The following TUBGCP3 variants were observed in gnomAD, a reference collection of about 807,000 sequenced individuals.
The protein encoded by TUBGCP3 is tubulin gamma complex component 3.
Under a neutral mutation model 123.1 loss-of-function variants are expected in TUBGCP3, and 50 were observed. That is an observed-to-expected ratio of 0.41 (90% confidence interval 0.32 to 0.51). The LOEUF is 0.51. TUBGCP3 is among the 20% of genes least tolerant of loss of function. The pLI, the probability that TUBGCP3 is intolerant of heterozygous loss-of-function variation, is 0.36. For missense variants in TUBGCP3, 882 were observed against 1,127.0 expected, an observed-to-expected ratio of 0.78 and a Z score of 3.11; for synonymous variants, 405 against 413.9, an observed-to-expected ratio of 0.98 and a Z score of 0.26.
chr13:112,553,462 A>G (rs148771804), intron 8 of TUBGCP3, among the ~76,000 whole-genome samples: 1 of 152,378 alleles, frequency 6.6e-6, no homozygotes, highest in East Asian at 1.9e-4. Context: ...GCCACAAAGA[A>G]GGGCTGGACA....
At chr13:112,576,913 A>C (rs1015362908) in intron 1 of TUBGCP3, among the ~76,000 whole-genome samples, 1 of 151,202 alleles carries the variant, frequency 6.6e-6, no homozygotes. Context: ...AAACAAACAA[A>C]AAAAAAAAAA....
At chr13:112,553,586 C>G (rs1411874675) in intron 8 of TUBGCP3, among the ~76,000 whole-genome samples, 2 of 152,234 alleles carry the variant, frequency 1.3e-5, no homozygotes, top group African/African-American at 2.4e-5. Context: ...CCACCCAGGG[C>G]TGTCCAGACA....
intron 8 of TUBGCP3, among the ~76,000 whole-genome samples, chr13:112,550,729 A>T (rs1879490622): frequency 6.6e-6 from 1 of 152,156 alleles, no homozygotes; most frequent in South Asian, 2.1e-4. Flanking sequence ...GCACAGCATC[A>T]CTCTTTACCA....
intron 3 of TUBGCP3, among the ~76,000 whole-genome samples, chr13:112,562,260 G>C (rs112769931): frequency 6.6e-6 from 1 of 150,796 alleles, no homozygotes; most frequent in African/African-American, 2.4e-5. Context: ...CCACCAGCCA[G>C]GACCTACTAG....
chr13:112,529,148 T>C (rs1314117380), intron 11 of TUBGCP3, among the ~76,000 whole-genome samples: 1 of 152,212 alleles, frequency 6.6e-6, no homozygotes, highest in Non-Finnish European at 1.5e-5. Flanking sequence ...CCACCATGCC[T>C]GGCCTATTAC....
At chr13:112,560,355 G>A (rs561861984) in intron 3 of TUBGCP3, among the ~76,000 whole-genome samples, 11 of 151,254 alleles carry the variant, frequency 7.3e-5, no homozygotes, top group East Asian at 2.0e-4. Flanking sequence ...GCGTGAACCC[G>A]GGAGGCGGAG....
At chr13:112,589,123 C>A (rs930540243), upstream of TUBGCP3, among the ~76,000 whole-genome samples, 3 of 152,214 alleles carry the variant, frequency 2.0e-5, no homozygotes, top group Admixed American at 2.0e-4. Flanking sequence ...GATGCGATCA[C>A]CCCTCACTGC....
In TUBGCP3 at chr13:112,519,761, C is replaced by A; in HGVS notation, c.1881+125G>T. 10 of 1,296,346 alleles carry A rather than the reference C, an allele frequency of 7.7e-6. No homozygotes were observed. Among genetic ancestry groups the A allele is most frequent in the Non-Finnish European group, 1.0e-5 (10 of 984,414 alleles). The allele number at this position is 1,296,346 out of a possible 1,614,324, so 80.3% of individuals were successfully genotyped here. On this transcript the variant is annotated intron_variant, in intron 15 of 21. Transcript: ENST00000261965. The surrounding 1 kb of genome is among the most constrained non-coding windows in gnomAD (Gnocchi z 6.2). ...CAGAGTGGAGTTCCTACTCAGGCTG[C>A]CCAGTTTCCAGAAAGATAACGGCTA...
rs1882746463 is a variant in TUBGCP3, at chr13:112,587,964, T to C, written c.17A>G (p.Gln6Arg). MATPD[Q>R]KSPNVLLQNL... ...CTGCAGCAGAACGTTCGGCGACTTCTGGTCCGGGGTCGCCATCCTCGCCCG... is the reference window on the plus strand; with the variant it reads ...CTGCAGCAGAACGTTCGGCGACTTCCGGTCCGGGGTCGCCATCCTCGCCCG... The change falls in exon 1 of 22, where the codon CAG becomes CGG. Residue 6 changes from glutamine (Q) to arginine (R), a missense_variant. By Grantham distance (43) the Gln-to-Arg change is conservative (BLOSUM62 1). Transcript: ENST00000261965. 4 of 1,589,428 alleles carry C rather than the reference T, an allele frequency of 2.5e-6. No individual in the cohort carries two copies. Among genetic ancestry groups the C allele is most frequent in the Admixed American group, 1.7e-5 (1 of 57,914 alleles).
At chr13:112,534,937 A>C (rs546426566) in intron 11 of TUBGCP3, among the ~76,000 whole-genome samples, 1 of 152,298 alleles carries the variant, frequency 6.6e-6, no homozygotes, top group South Asian at 2.1e-4. Flanking sequence ...GCAGTCACTC[A>C]TTCCTCTCTG....
chr13:112,562,691 AT>A (rs1880612591), intron 3 of TUBGCP3, among the ~76,000 whole-genome samples: 1 of 152,204 alleles, frequency 6.6e-6, no homozygotes, highest in Non-Finnish European at 1.5e-5. Flanking sequence ...GGCAGTACAG[AT>A]GCTTTTAACC....
At chr13:112,510,880 A>C (rs973610276) in intron 17 of TUBGCP3, among the ~76,000 whole-genome samples, 1 of 152,172 alleles carries the variant, frequency 6.6e-6, no homozygotes, top group Admixed American at 6.5e-5. Flanking sequence ...TAAGGATCCA[A>C]AAGACTTTTG....
At chr13:112,570,135 G>T (rs1045925131) in intron 1 of TUBGCP3, among the ~76,000 whole-genome samples, 1 of 151,614 alleles carries the variant, frequency 6.6e-6, no homozygotes, top group South Asian at 2.1e-4. Flanking sequence ...ACCGAGACCC[G>T]CCCAGCAAGC....
rs776357438 is a variant in TUBGCP3, at chr13:112,547,702, T to TA, written c.1085dup (p.Leu362PhefsTer12). On this transcript the variant is annotated frameshift_variant, in exon 10 of 22. Coordinates refer to ENST00000261965, the MANE Select transcript of TUBGCP3 (RefSeq NM_006322.6). LOFTEE classifies it high-confidence loss of function. The stretch of plus-strand genomic sequence containing the variant: ...TCCAAACCAGGAGGCGCCGAAGTGT[T>TA]AAACTACTCTCAAGTCCCAAATTCA... 1.9e-6 allele frequency: 3 copies of TA among 1,566,622 alleles called. No homozygotes were observed. Among genetic ancestry groups the TA allele is most frequent in the Non-Finnish European group, 2.6e-6 (3 of 1,154,516 alleles).
intron 21 of TUBGCP3, among the ~76,000 whole-genome samples, chr13:112,486,897 G>T (rs560872725): frequency 1.3e-5 from 2 of 152,322 alleles, no homozygotes; most frequent in South Asian, 2.1e-4. Context: ...GAGGCACTGC[G>T]TCCTCACCAA....
intron 20 of TUBGCP3, among the ~76,000 whole-genome samples, chr13:112,491,383 C>T (rs1314999122): frequency 2.6e-5 from 4 of 151,982 alleles, no homozygotes; most frequent in Non-Finnish European, 5.9e-5. Flanking sequence ...TGCTTGTTTG[C>T]TTGTGGTTTT....
chr13:112,581,618 A>G (rs1291211092), intron 1 of TUBGCP3, among the ~76,000 whole-genome samples: 1 of 151,868 alleles, frequency 6.6e-6, no homozygotes, highest in Non-Finnish European at 1.5e-5. Context: ...GCTAATTTTT[A>G]TATTTTCTGT....
intron 1 of TUBGCP3, among the ~76,000 whole-genome samples, chr13:112,582,128 C>T (rs1882313390): frequency 1.3e-5 from 2 of 152,212 alleles, no homozygotes; most frequent in Non-Finnish European, 2.9e-5. Flanking sequence ...AGCAATCATT[C>T]CTTGTTTAGT....
At chr13:112,564,776 A>G (rs1880823385) in intron 3 of TUBGCP3, among the ~76,000 whole-genome samples, 1 of 152,262 alleles carries the variant, frequency 6.6e-6, no homozygotes, top group Non-Finnish European at 1.5e-5. Context: ...AAAGTTTATC[A>G]GTCAGATAAA....
Sources: gnomAD v4.1 joint callset for allele counts (sites outside exome capture counted in the v4.1 genomes callset) on GRCh38, gnomAD v4.1.1 for gene constraint, Gnocchi (gnomAD v3.1) non-coding constraint, MANE v1.5 for transcripts, NCBI Gene and HGNC (gene_info 2026-07-23, HGNC 2026-07-21) for gene names.